Variants in MAGI2 observed in about 807,000 individuals in gnomAD.
MAGI2 encodes the protein membrane associated guanylate kinase, WW and PDZ domain containing 2.
Under a neutral mutation model 133.3 loss-of-function variants are expected in MAGI2, and 35 were observed. That is an observed-to-expected ratio of 0.26 (90% CI 0.20 to 0.35). The LOEUF (loss-of-function observed/expected upper bound fraction) is 0.35, where lower values mean the gene tolerates loss of function less well. MAGI2 is among the 10% of genes least tolerant of loss of function. The pLI, the probability that MAGI2 is intolerant of heterozygous loss-of-function variation, is 1.00. For synonymous variants in MAGI2, 729 were observed against 710.6 expected, an observed-to-expected ratio of 1.03 and a Z score of -0.41; for missense variants, 1,636 against 1,863.4, an observed-to-expected ratio of 0.88 and a Z score of 2.25.
At chr7:78,918,045 G>A (rs905736395) in intron 2 of MAGI2, among the ~76,000 whole-genome samples, 8 of 152,216 alleles carry the variant, frequency 5.3e-5, no homozygotes, top group South Asian at 4.1e-4. Context: ...CAACTTCCTC[G>A]AAGGTGGGTG....
intron 1 of MAGI2, chr7:79,125,383 C>A: frequency 8.3e-6 from 4 of 480,268 alleles, no homozygotes; most frequent in South Asian, 6.4e-5. Flanking sequence ...CAACTTTGGT[C>A]ATGGAGGAAA....
At chr7:79,449,230 G>A (rs1333267992) in intron 1 of MAGI2, among the ~76,000 whole-genome samples, 1 of 151,988 alleles carries the variant, frequency 6.6e-6, no homozygotes, top group Non-Finnish European at 1.5e-5. Context: ...TAATAAATGT[G>A]GATCTACTTT....
intron 2 of MAGI2, among the ~76,000 whole-genome samples, chr7:78,657,274 A>G (rs1470080825): frequency 2.0e-5 from 3 of 152,186 alleles, no homozygotes; most frequent in Non-Finnish European, 4.4e-5. Flanking sequence ...GCAGTTTCTA[A>G]TGATACTAAA....
At chr7:79,352,237 A>G (rs1273070661) in intron 1 of MAGI2, among the ~76,000 whole-genome samples, 1 of 152,234 alleles carries the variant, frequency 6.6e-6, no homozygotes, top group African/African-American at 2.4e-5. Context: ...AATATCAATT[A>G]TGCGAAGTTA....
chr7:78,804,350 T>A (rs1414436731), intron 2 of MAGI2, among the ~76,000 whole-genome samples: 1 of 152,068 alleles, frequency 6.6e-6, no homozygotes, highest in East Asian at 1.9e-4. Flanking sequence ...TTACTTTTCA[T>A]TGGTACTATA....
In MAGI2 at chr7:79,135,429, T is replaced by C. The variant is rs193181357; in HGVS notation, c.302-128223A>G. ...AGAGACATATAACCCTCTGGATATA[T>C]AGAAACAACACAAACTCTTGTATAA... On this transcript the variant is annotated intron_variant, in intron 1 of 21. Coordinates refer to ENST00000354212, the MANE Select transcript of MAGI2 (RefSeq NM_012301.4). Among the ~76,000 whole-genome samples, 125 of 152,232 alleles carry C rather than the reference T, an allele frequency of 8.2e-4. No homozygotes were observed. In the Middle Eastern group the frequency reaches 0.014, roughly 17 times the overall value.
At chr7:78,772,261 C>T (rs1207867) in intron 2 of MAGI2, among the ~76,000 whole-genome samples, 133,778 of 152,238 alleles carry the variant, frequency 0.88, 58,890 homozygotes, top group East Asian at 1. Context: ...ATAATATCCA[C>T]TTTCTTTCAA....
chr7:78,059,146 T>C (rs765862313), intron 21 of MAGI2, among the ~76,000 whole-genome samples: 26 of 152,236 alleles, frequency 1.7e-4, no homozygotes, highest in Non-Finnish European at 2.5e-4. Context: ...CTCTGGCTTC[T>C]CATCATATTG....
chr7:78,171,947 T>C (rs1229578083), intron 14 of MAGI2, among the ~76,000 whole-genome samples: 2 of 152,132 alleles, frequency 1.3e-5, no homozygotes, highest in East Asian at 3.9e-4. Context: ...AGGGAGAGCT[T>C]TGTGGCAAAA....
At chr7:78,158,197 C>T (rs544895728) in intron 16 of MAGI2, 3 of 152,288 alleles carry the variant, frequency 2.0e-5, no homozygotes, top group South Asian at 2.1e-4. Context: ...CTACAACGTA[C>T]GTGCATTTAT....
chr7:79,138,772 A>G (rs1361927910), intron 1 of MAGI2, among the ~76,000 whole-genome samples: 1 of 152,064 alleles, frequency 6.6e-6, no homozygotes, highest in Non-Finnish European at 1.5e-5. Flanking sequence ...GTGGGAGGCC[A>G]AGGCGGGCGG....
At chr7:78,978,811 A>C (rs1804523938) in intron 2 of MAGI2, among the ~76,000 whole-genome samples, 1 of 151,866 alleles carries the variant, frequency 6.6e-6, no homozygotes, top group Admixed American at 6.6e-5. Context: ...TGAAAGATTA[A>C]ATGCAAGGGA....
At chr7:79,405,338 C>G (rs1223350790) in intron 1 of MAGI2, among the ~76,000 whole-genome samples, 1 of 152,108 alleles carries the variant, frequency 6.6e-6, no homozygotes, top group Non-Finnish European at 1.5e-5. Flanking sequence ...TAAAGTAAAT[C>G]AGGGAACCTT....
chr7:78,646,565 T>C (rs1390460632), intron 2 of MAGI2, among the ~76,000 whole-genome samples: 1 of 152,206 alleles, frequency 6.6e-6, no homozygotes, highest in East Asian at 1.9e-4. Flanking sequence ...TGTTCTTATA[T>C]ATAACTCCTT....
intron 1 of MAGI2, among the ~76,000 whole-genome samples, chr7:79,019,196 G>A (rs550803776): frequency 1.3e-5 from 2 of 152,256 alleles, no homozygotes; most frequent in Admixed American, 6.5e-5. Context: ...CCACAATTTT[G>A]GACCATTATA....
At chr7:79,367,856 G>GATATATATATATATATATATATATATAT (rs1842799465) in intron 1 of MAGI2, among the ~76,000 whole-genome samples, 1 of 69,988 alleles carries the variant, frequency 1.4e-5, no homozygotes, top group African/African-American at 8.2e-5. Context: ...TTATATATGT[G>GATATATATATATATATATATATATATAT]ACATATATAT....
At chr7:78,308,118 T>C (rs778510861) in intron 9 of MAGI2, among the ~76,000 whole-genome samples, 6 of 152,224 alleles carry the variant, frequency 3.9e-5, no homozygotes, top group South Asian at 2.1e-4. Context: ...CCCTACCCTG[T>C]TGATGGTGAA....
chr7:78,418,410 T>C (rs1246513269), intron 6 of MAGI2, among the ~76,000 whole-genome samples: 1 of 152,052 alleles, frequency 6.6e-6, no homozygotes, highest in East Asian at 1.9e-4. Context: ...CTCAGGGCAT[T>C]GATGCTCTCA....
intron 20 of MAGI2, among the ~76,000 whole-genome samples, chr7:78,119,554 CCTCA>C (rs1820216665): frequency 1.1e-5 from 1 of 88,298 alleles, no homozygotes; most frequent in African/African-American, 4.8e-5. Context: ...GAGTGAGACT[CCTCA>C]AAAAAAAAAA....
Sources: allele counts gnomAD v4.1 joint callset (sites outside exome capture counted in the v4.1 genomes callset), GRCh38; gene constraint gnomAD v4.1.1; transcripts MANE v1.5; gene names NCBI Gene and HGNC (gene_info 2026-07-23, HGNC 2026-07-21).